Variants in GRIK2 observed in about 807,000 individuals in gnomAD.
GRIK2 encodes the protein glutamate ionotropic receptor kainate type subunit 2.
GRIK2 carries 32 observed loss-of-function variants against 100.3 expected under a neutral mutation model. That is an observed-to-expected ratio of 0.32 (90% CI 0.24 to 0.43). GRIK2 has a LOEUF of 0.43. Among genes scored for constraint, GRIK2 ranks in the 20% least tolerant of loss-of-function variants. The pLI is 1.00. For missense variants in GRIK2, 843 were observed against 1,114.9 expected, an observed-to-expected ratio of 0.76 and a Z score of 3.47; for synonymous variants, 417 against 389.4, an observed-to-expected ratio of 1.07 and a Z score of -0.83.
At chr6:101,634,170 A>G (rs1024059258) in intron 4 of GRIK2, among the ~76,000 whole-genome samples, 3 of 152,120 alleles carry the variant, frequency 2.0e-5, no homozygotes, top group Non-Finnish European at 4.4e-5. Flanking sequence ...TTGAAAAGAG[A>G]TGACAGTTTC....
intron 2 of GRIK2, among the ~76,000 whole-genome samples, chr6:101,425,536 C>T (rs1423049130): frequency 6.6e-6 from 1 of 152,096 alleles, no homozygotes. Context: ...TTCCAAAATG[C>T]ATCTTTTTTC....
At chr6:101,891,537 A>AAAAAAAAAT (rs1787095865) in intron 12 of GRIK2, 1 of 373,306 alleles carries the variant, frequency 2.7e-6, no homozygotes. Flanking sequence ...AAAAAAAAAA[A>AAAAAAAAAT]GGTGGATTAT....
chr6:101,805,033 T>C (rs559291087), intron 9 of GRIK2, among the ~76,000 whole-genome samples: 1 of 152,024 alleles, frequency 6.6e-6, no homozygotes, highest in Non-Finnish European at 1.5e-5. Flanking sequence ...AATTTATTAA[T>C]CTCTCTAAAA....
rs1356025632 is a variant in GRIK2, at chr6:102,053,228, A to C, written c.2312-2102A>C. ...CATATACTGTTTCTAATTCAAAGAA[A>C]TTTGATAAACTATCATTCTGTTTAA... On this transcript the variant is annotated intron_variant, in intron 15 of 16. Transcript: ENST00000369134. 2.0e-5 allele frequency among the ~76,000 whole-genome samples: 3 copies of C among 152,284 alleles called. No homozygotes were observed. In the South Asian group the frequency reaches 6.2e-4, roughly 32 times the overall value.
intron 2 of GRIK2, among the ~76,000 whole-genome samples, chr6:101,588,686 A>G (rs536936936): frequency 1.8e-4 from 27 of 151,686 alleles, no homozygotes; most frequent in Middle Eastern, 3.5e-3. Flanking sequence ...ACACACACAG[A>G]AAAGAAAGAA....
chr6:101,795,119 G>T (rs903115349), intron 7 of GRIK2, among the ~76,000 whole-genome samples: 1 of 151,924 alleles, frequency 6.6e-6, no homozygotes, highest in Non-Finnish European at 1.5e-5. Flanking sequence ...CATCCACCTC[G>T]GCCTCCCAAA....
intron 14 of GRIK2, among the ~76,000 whole-genome samples, chr6:102,007,188 G>A (rs1795288863): frequency 6.6e-6 from 1 of 152,076 alleles, no homozygotes; most frequent in Non-Finnish European, 1.5e-5. Context: ...TGTAGCCCAT[G>A]AGAGTTTGTA....
intron 12 of GRIK2, among the ~76,000 whole-genome samples, chr6:101,893,151 A>G (rs910816683): frequency 1.3e-5 from 2 of 151,150 alleles, no homozygotes; most frequent in African/African-American, 4.8e-5. Flanking sequence ...TATTTTACCT[A>G]TCGAAAAAAT....
chr6:101,626,595 T>C lies in GRIK2; in HGVS notation c.499T>C (p.Phe167Leu). The change falls in exon 4 of 17, where the codon TTC becomes CTC. Residue 167 changes from phenylalanine (F) to leucine (L), a missense_variant. By Grantham distance (22) the Phe-to-Leu change is conservative. This residue lies in a region of GRIK2 where 519 missense variants were observed against 643.8 expected (regional missense o/e 0.81). Coordinates refer to ENST00000369134, the MANE Select transcript of GRIK2 (RefSeq NM_021956.5). ...SRAILDLVQF[F>L]KWKTVTVVYD... ...TGCCATTTTAGACCTGGTGCAGTTT[T>C]TCAAGTGGAAAACCGTCACGGTTGT... The C allele has an allele frequency of 6.2e-7, 1 of 1,613,978 alleles. No individual in the cohort carries two copies. The highest frequency in any genetic ancestry group is 8.5e-7 in the Non-Finnish European group (1 of 1,179,898).
Position 101,577,484 on chromosome 6 carries a change from A to C in GRIK2, c.116-44465A>C, listed in dbSNP as rs530447403. 3.0e-4 allele frequency among the ~76,000 whole-genome samples: 46 copies of C among 152,228 alleles called. 1 individual carries two copies. In the East Asian group the frequency reaches 8.7e-3, roughly 29 times the overall value. On this transcript the variant is annotated intron_variant, in intron 2 of 16. Coordinates refer to ENST00000369134, the MANE Select transcript of GRIK2 (RefSeq NM_021956.5). ...TATTTTTTCTTCTAAATAAGAAAAT[A>C]ATCTGTCAACCTCAAATTAGAACAC...
In GRIK2 at chr6:102,068,365, A is replaced by G. The variant is rs764080487; in HGVS notation, c.2581A>G (p.Met861Val). The G allele has an allele frequency of 1.4e-5, 22 of 1,611,176 alleles. No homozygotes were observed. The highest frequency in any genetic ancestry group is 1.7e-5 in the Admixed American group (1 of 59,818). Residue 861 changes from methionine to valine, a missense_variant, in exon 17 of 17, where the codon ATG becomes GTG. By Grantham distance (21) the Met-to-Val change is conservative. Coordinates refer to ENST00000369134, the MANE Select transcript of GRIK2 (RefSeq NM_021956.5). Reference protein sequence around the residue: ...QLEKRSFCSAMVEELRMSLKC... With the variant: ...QLEKRSFCSAVVEELRMSLKC... Reference sequence around the variant, plus strand: ...TCTGTAGAGGTCCTTCTGTAGTGCCATGGTAGAAGAATTGAGGATGTCCCT... The same window carrying G: ...TCTGTAGAGGTCCTTCTGTAGTGCCGTGGTAGAAGAATTGAGGATGTCCCT...
intron 4 of GRIK2, among the ~76,000 whole-genome samples, chr6:101,650,773 T>C (rs1781747539): frequency 6.6e-6 from 1 of 152,140 alleles, no homozygotes; most frequent in African/African-American, 2.4e-5. Context: ...CCCTTTATTT[T>C]GCAGTTAACT....
At chr6:101,890,993 A>G (rs867628411) in intron 12 of GRIK2, among the ~76,000 whole-genome samples, 2 of 85,224 alleles carry the variant, frequency 2.3e-5, no homozygotes, top group Non-Finnish European at 4.9e-5. Context: ...ATATATATAT[A>G]TATATATATA....
At chr6:101,636,851 G>A (rs1781045319) in intron 4 of GRIK2, among the ~76,000 whole-genome samples, 1 of 152,074 alleles carries the variant, frequency 6.6e-6, no homozygotes, top group East Asian at 1.9e-4. Context: ...ATATTGGCAT[G>A]CACATTTTTG....
intron 14 of GRIK2, among the ~76,000 whole-genome samples, chr6:101,985,928 G>T (rs995883505): frequency 1.3e-5 from 2 of 151,560 alleles, no homozygotes; most frequent in Non-Finnish European, 3.0e-5. Context: ...TTTCTAAAAA[G>T]AGAAAATAAT....
chr6:101,758,511 C>T (rs1003818084), intron 7 of GRIK2, among the ~76,000 whole-genome samples: 3 of 152,130 alleles, frequency 2.0e-5, no homozygotes, highest in African/African-American at 7.2e-5. Flanking sequence ...TTGGAAGATA[C>T]TCCAATGTTG....
At position 102,057,439 on chromosome 6, in the gene GRIK2, C is replaced by T. The variant is rs561024507; in HGVS notation, c.2562+1859C>T. ...AACGTATCGTGCTTCATTGTTATTACGAACACGTTTAGTTGAATTTTTCAG... is the reference window on the plus strand; with the variant it reads ...AACGTATCGTGCTTCATTGTTATTATGAACACGTTTAGTTGAATTTTTCAG... On this transcript the variant is annotated intron_variant, in intron 16 of 16. Coordinates refer to ENST00000369134, the MANE Select transcript of GRIK2 (RefSeq NM_021956.5). 4.6e-5 allele frequency among the ~76,000 whole-genome samples: 7 copies of T among 152,016 alleles called. No homozygotes were observed. The South Asian group carries it at 8.3e-4, about 18-fold the overall frequency.
intron 1 of GRIK2, among the ~76,000 whole-genome samples, chr6:101,394,300 A>G (rs1774915115): frequency 6.6e-6 from 1 of 152,166 alleles, no homozygotes. Context: ...ATTTATTTTA[A>G]CCGGCACCCG....
chr6:102,059,354 G>T lies in GRIK2; in HGVS notation c.2562+3774G>T, dbSNP rs116048449. On this transcript the variant is annotated intron_variant, in intron 16 of 16. Coordinates refer to ENST00000369134, the MANE Select transcript of GRIK2 (RefSeq NM_021956.5). ...TCAGAACCTTTTCTCATCTGAATGT[G>T]TCTGAAAAGGTAACTAATCAACACA... Among the ~76,000 whole-genome samples the T allele has an allele frequency of 4.5e-3, 682 of 151,230 alleles. 4 individuals are homozygous for T. Among genetic ancestry groups the T allele is most frequent in the African/African-American group, 0.016 (658 of 41,458 alleles).
Sources: gnomAD v4.1 joint callset for allele counts (sites outside exome capture counted in the v4.1 genomes callset) on GRCh38, gnomAD v4.1.1 for gene constraint, gnomAD v4.1.1 regional missense constraint, MANE v1.5 for transcripts, NCBI Gene and HGNC (gene_info 2026-07-23, HGNC 2026-07-21) for gene names.